WDR72: variants seen among roughly 807,000 people sequenced by gnomAD.
The protein encoded by WDR72 is WD repeat-containing protein 72.
Under a neutral mutation model 124.2 loss-of-function variants are expected in WDR72, and 120 were observed. That is an observed-to-expected ratio of 0.97 (90% CI 0.83 to 1.12). The LOEUF (loss-of-function observed/expected upper bound fraction) is 1.12, where lower values mean the gene tolerates loss of function less well. Among genes scored for constraint, WDR72 ranks in the 50% most tolerant of loss-of-function variants. The pLI, the probability that WDR72 is intolerant of heterozygous loss-of-function variation, is 0.00. For synonymous variants in WDR72, 452 were observed against 441.7 expected (o/e 1.02, Z -0.29); for missense variants, 1,387 against 1,278.8 (o/e 1.08, Z -1.29).
chr15:53,523,901 G>A (rs1250655223), intron 18 of WDR72, among the ~76,000 whole-genome samples: 1 of 152,030 alleles, frequency 6.6e-6, no homozygotes, highest in African/African-American at 2.4e-5. Flanking sequence ...TGTTTCAAAT[G>A]GTAGGTCTCC....
intron 13 of WDR72, among the ~76,000 whole-genome samples, chr15:53,685,695 C>T (rs1452955493): frequency 6.6e-6 from 1 of 151,292 alleles, no homozygotes; most frequent in African/African-American, 2.4e-5. Flanking sequence ...CATTCAGATT[C>T]AGGAAATACA....
At chr15:53,666,661 T>G (rs2015789948) in intron 13 of WDR72, among the ~76,000 whole-genome samples, 1 of 152,332 alleles carries the variant, frequency 6.6e-6, no homozygotes, top group African/African-American at 2.4e-5. Flanking sequence ...TCATTTCATA[T>G]TCTTTTCCAC....
intron 7 of WDR72, among the ~76,000 whole-genome samples, chr15:53,712,168 AT>A (rs2017557820): frequency 6.6e-6 from 1 of 152,250 alleles, no homozygotes; most frequent in African/African-American, 2.4e-5. Flanking sequence ...CTAAATATTC[AT>A]TGTTATTATG....
At chr15:53,529,164 A>ATATATATATATATATATTTTTTTTTTT (rs59003623) in intron 18 of WDR72, among the ~76,000 whole-genome samples, 1 of 78,152 alleles carries the variant, frequency 1.3e-5, no homozygotes, top group African/African-American at 5.0e-5. Context: ...ATATATATAT[A>ATATATATATATATATATTTTTTTTTTT]TTTTTTTTTT....
intron 13 of WDR72, among the ~76,000 whole-genome samples, chr15:53,674,484 G>A (rs2016096978): frequency 6.6e-6 from 1 of 152,168 alleles, no homozygotes; most frequent in Admixed American, 6.5e-5. Context: ...TCCAGGAAAT[G>A]TATAACTGAT....
At chr15:53,687,509 C>T (rs1444856376) in intron 13 of WDR72, among the ~76,000 whole-genome samples, 1 of 151,310 alleles carries the variant, frequency 6.6e-6, no homozygotes, top group African/African-American at 2.4e-5. Context: ...AAGACTAAAC[C>T]AGGAAGAAGT....
At position 53,684,556 on chromosome 15, in the gene WDR72, C is replaced by A. The variant is rs528783576; in HGVS notation, c.1765+15194G>T. 138 of 160,756 alleles carry A rather than the reference C, an allele frequency of 8.6e-4. 1 individual carries two copies. Among genetic ancestry groups the A allele is most frequent in the Non-Finnish European group, 1.5e-3 (112 of 74,684 alleles). The allele number at this position is 160,756 out of a possible 1,614,324, so 10.0% of individuals were successfully genotyped here. On this transcript the variant is annotated intron_variant, in intron 13 of 19. Coordinates refer to ENST00000360509, the MANE Select transcript of WDR72 (RefSeq NM_182758.4). ...ATATCCTGCACCTGGCTCGGAGGGT[C>A]CTACGCCCATGGAGTCTCGCTGATT...
intron 14 of WDR72, among the ~76,000 whole-genome samples, chr15:53,620,037 TTA>T (rs1462139496): frequency 6.6e-6 from 1 of 152,066 alleles, no homozygotes; most frequent in Non-Finnish European, 1.5e-5. Flanking sequence ...AAGTTGGCAC[TTA>T]TTTTATGGAA....
At chr15:53,761,443 A>G (rs1025765663), upstream of WDR72, among the ~76,000 whole-genome samples, 5 of 152,218 alleles carry the variant, frequency 3.3e-5, no homozygotes, top group African/African-American at 4.8e-5. Context: ...AAACTACCAT[A>G]TGATCCAGCA....
chr15:53,691,476 T>C (rs567976997), intron 13 of WDR72, among the ~76,000 whole-genome samples: 36 of 152,242 alleles, frequency 2.4e-4, no homozygotes, highest in Non-Finnish European at 4.1e-4. Context: ...ATTCTGTAGA[T>C]TGTCTTTTCA....
intron 17 of WDR72, among the ~76,000 whole-genome samples, chr15:53,599,372 G>C (rs908139184): frequency 6.6e-5 from 10 of 151,968 alleles, no homozygotes; most frequent in Non-Finnish European, 1.2e-4. Context: ...AAGAACTCAG[G>C]ATTATAAGTG....
At chr15:53,526,314 T>A (rs867014506) in intron 18 of WDR72, among the ~76,000 whole-genome samples, 1 of 151,990 alleles carries the variant, frequency 6.6e-6, no homozygotes, top group African/African-American at 2.4e-5. Flanking sequence ...AAGGTAAAAT[T>A]TGAATTAGAC....
chr15:53,743,288 TTATA>T (rs1410511962), intron 1 of WDR72, among the ~76,000 whole-genome samples: 1 of 152,150 alleles, frequency 6.6e-6, no homozygotes, highest in Non-Finnish European at 1.5e-5. Flanking sequence ...TAGAGTTTAA[TTATA>T]TATAGATCAC....
intron 13 of WDR72, among the ~76,000 whole-genome samples, chr15:53,675,966 T>A (rs1292779982): frequency 6.6e-6 from 1 of 152,168 alleles, no homozygotes; most frequent in Non-Finnish European, 1.5e-5. Context: ...TGATTTGCCT[T>A]AGGCAAATAA....
chr15:53,536,781 G>C (rs1192199417), intron 18 of WDR72, among the ~76,000 whole-genome samples: 1 of 152,166 alleles, frequency 6.6e-6, no homozygotes, highest in Non-Finnish European at 1.5e-5. Flanking sequence ...CAGTGACATA[G>C]CACATTTAGT....
chr15:53,731,928 G>A (rs2018213991), intron 2 of WDR72, among the ~76,000 whole-genome samples: 1 of 152,020 alleles, frequency 6.6e-6, no homozygotes, highest in African/African-American at 2.4e-5. Flanking sequence ...AGCTTATAGT[G>A]ACCTACATAT....
chr15:53,610,871 C>T (rs1265589744), intron 16 of WDR72, among the ~76,000 whole-genome samples: 2 of 152,084 alleles, frequency 1.3e-5, no homozygotes, highest in Non-Finnish European at 2.9e-5. Flanking sequence ...CCCTCTCCCA[C>T]TTTGTGGACC....
At chr15:53,737,656 C>T (rs1014763641) in intron 1 of WDR72, among the ~76,000 whole-genome samples, 11 of 151,962 alleles carry the variant, frequency 7.2e-5, no homozygotes, top group Non-Finnish European at 1.0e-4. Context: ...ATACATAAAA[C>T]ACAATATAGC....
intron 1 of WDR72, among the ~76,000 whole-genome samples, chr15:53,741,418 C>T (rs765852337): frequency 6.6e-6 from 1 of 152,156 alleles, no homozygotes; most frequent in Non-Finnish European, 1.5e-5. Context: ...GTGCAACATA[C>T]CTGAAATTCA....
Sources: allele counts gnomAD v4.1 joint callset (sites outside exome capture counted in the v4.1 genomes callset), GRCh38; gene constraint gnomAD v4.1.1; transcripts MANE v1.5; gene names NCBI Gene and HGNC (gene_info 2026-07-23, HGNC 2026-07-21).